EPPK1: variants seen among roughly 807,000 people sequenced by gnomAD.
EPPK1 encodes the protein epiplakin.
For missense variants in EPPK1, 3,823 were observed against 3,673.3 expected (o/e 1.04, Z -1.05); for synonymous variants, 1,862 against 1,721.2 (o/e 1.08, Z -2.03).
chr8:143,866,981 G>A lies in EPPK1; in HGVS notation c.6273C>T (p.Asp2091=), dbSNP rs1322534862. ...TCGTCTCGTCATCGATGTGCTCGGA[G>A]TCCCGTGCAGCCTTGTTCACTGGGA... is the stretch of plus-strand genomic sequence containing the variant. ...LLFPVNKAAR[D]SEHIDDETRR... The change falls in exon 2 of 2, where the codon GAC becomes GAT. Residue 2091 remains aspartate (D), a synonymous_variant. Transcript: ENST00000615648. The A allele has an allele frequency of 6.2e-7, 1 of 1,612,798 alleles. No homozygotes were observed. Among genetic ancestry groups the A allele is most frequent in the Non-Finnish European group, 8.5e-7 (1 of 1,179,882 alleles).
In EPPK1 at chr8:143,866,725, T is replaced by C. The variant is rs558239266; in HGVS notation, c.6529A>G (p.Ile2177Val). Reference sequence around the variant, plus strand: ...TCAGAAGCTGTGATCTGTCGTCTAATTCCTTGGAACCACAGGTGTTTGTTG... The same window carrying C: ...TCAGAAGCTGTGATCTGTCGTCTAACTCCTTGGAACCACAGGTGTTTGTTG... ...TSNKHLWFQG[I>V]RRQITASELL... Residue 2177 changes from isoleucine (I) to valine (V), a missense_variant, in exon 2 of 2, where the codon ATT becomes GTT. Transcript: ENST00000615648. 1 of 1,613,342 alleles carries C rather than the reference T, an allele frequency of 6.2e-7. No homozygotes were observed. The highest frequency in any genetic ancestry group is 1.3e-5 in the African/African-American group (1 of 74,942).
In EPPK1 at chr8:143,868,267, G is replaced by C. The variant is rs1554659844; in HGVS notation, c.4987C>G (p.Leu1663Val). 6.2e-7 allele frequency: 1 copy of C among 1,613,118 alleles called. No homozygotes were observed. The highest frequency in any genetic ancestry group is 1.3e-5 in the African/African-American group (1 of 74,952). ...AGGTCCTTCTGCATGGCCTGGAAGA[G>C]GGAGATCTGCTGCCCGGTATAGGGG... ...TDPYTGQQIS[L>V]FQAMQKDLIV... The change falls in exon 2 of 2, where the codon CTC (leucine) becomes GTC (valine). Residue 1663 changes from leucine to valine, a missense_variant. Physicochemically the swap from Leu to Val is conservative, Grantham distance 32. Transcript: ENST00000615648.
In EPPK1 at chr8:143,870,478, G is replaced by A. The variant is rs1819305707; in HGVS notation, c.2776C>T (p.Leu926=). 2 of 1,604,524 alleles carry A rather than the reference G, an allele frequency of 1.2e-6. No homozygotes were observed. The highest frequency in any genetic ancestry group is 2.2e-5 in the East Asian group (1 of 44,788). Residue 926 remains leucine (L), a synonymous_variant, in exon 2 of 2, where the codon CTG becomes TTG. Transcript: ENST00000615648. This position sits in a 1 kb window ranked among gnomAD's most constrained non-coding sequence, Gnocchi z 5.2. ...LLLMDGVRRY[L]CGLGAVGGVR... ...CCGCCCACAGCTCCCAGGCCGCACA[G>A]GTACCTGCGGACGCCGTCCATGAGT...
Position 143,870,494 on chromosome 8 carries a change from G to A in EPPK1, c.2760C>T (p.Asp920=), listed in dbSNP as rs558832291. ...TISPEALLLM[D]GVRRYLCGLG... is the part of the protein sequence containing the mutation. The stretch of plus-strand genomic sequence containing the variant: ...GGCCGCACAGGTACCTGCGGACGCC[G>A]TCCATGAGTAGGAGGGCCTCCGGGC... The change falls in exon 2 of 2, where the codon GAC becomes GAT. Residue 920 remains aspartate, a synonymous_variant. Transcript: ENST00000615648. This position sits in a 1 kb window ranked among gnomAD's most constrained non-coding sequence, Gnocchi z 5.2. The A allele has an allele frequency of 1.9e-5, 31 of 1,606,276 alleles. No homozygotes were observed. Among genetic ancestry groups the A allele is most frequent in the Admixed American group, 3.3e-5 (2 of 59,802 alleles).
At position 143,869,994 on chromosome 8, in the gene EPPK1, G is replaced by C. The variant is rs782169960; in HGVS notation, c.3260C>G (p.Pro1087Arg). ...ATAGCTCGTGCGCCCCTGGCCGTCC[G>C]GTGTGGGGAAGGTTTCGGAGGAGCT... ...LSSSSETFPT[P>R]DGQGRTSYAQ... Residue 1087 changes from proline to arginine, a missense_variant, in exon 2 of 2, where the codon CCG becomes CGG. Physicochemically the swap from Pro to Arg is moderately radical, Grantham distance 103. Transcript: ENST00000615648. The C allele has an allele frequency of 1.9e-6, 3 of 1,608,768 alleles. No homozygotes were observed. The African/African-American group carries it at 4.0e-5, about 21-fold the overall frequency.
rs539563144 is a variant in EPPK1 at position 143,875,957 on chromosome 8, C to A, written c.-46+2481G>T. Among the ~76,000 whole-genome samples, 11 of 152,294 alleles carry A rather than the reference C, an allele frequency of 7.2e-5. No individual in the cohort carries two copies. In the East Asian group the frequency reaches 1.7e-3, roughly 24 times the overall value. ...GCACAGTGGCCCCCACCCCCCACCC[C>A]CCACTGACCTATGATGGAGCTTGGG... On this transcript the variant is annotated intron_variant, in intron 1 of 1. Coordinates refer to ENST00000615648, the MANE Select transcript of EPPK1 (RefSeq NM_031308.4).
At position 143,866,733 on chromosome 8, in the gene EPPK1, A is replaced by T; in HGVS notation, c.6521T>A (p.Phe2174Tyr). ...TGTGATCTGTCGTCTAATTCCTTGG[A>T]ACCACAGGTGTTTGTTGCTGGTTTC... is the stretch of plus-strand genomic sequence containing the variant. ...KQETSNKHLWFQGIRRQITAS... is the reference protein window; with the variant it reads ...KQETSNKHLWYQGIRRQITAS... Residue 2174 changes from phenylalanine to tyrosine, a missense_variant, in exon 2 of 2, where the codon TTC becomes TAC. By Grantham distance (22) the Phe-to-Tyr change is conservative. Coordinates refer to ENST00000615648, the MANE Select transcript of EPPK1 (RefSeq NM_031308.4). 6.2e-7 allele frequency: 1 copy of T among 1,613,280 alleles called. No homozygotes were observed. Among genetic ancestry groups the T allele is most frequent in the Non-Finnish European group, 8.5e-7 (1 of 1,179,838 alleles).
Position 143,870,194 on chromosome 8 carries a change from C to A in EPPK1, c.3060G>T (p.Val1020=). Residue 1020 remains valine, a synonymous_variant, in exon 2 of 2, where the codon GTG becomes GTT. Transcript: ENST00000615648. The surrounding 1 kb of genome is among the most constrained non-coding windows in gnomAD (Gnocchi z 5.2). ...GFRDPFSGKQ[V]SVFQAMKKGL... is the part of the protein sequence containing the mutation. Reference sequence around the variant, plus strand: ...CTTTCTTCATGGCCTGGAACACAGACACCTGCTTCCCAGAGAAGGGGTCTC... The same window carrying A: ...CTTTCTTCATGGCCTGGAACACAGAAACCTGCTTCCCAGAGAAGGGGTCTC... 1.2e-6 allele frequency: 2 copies of A among 1,611,208 alleles called. No homozygotes were observed. Among genetic ancestry groups the A allele is most frequent in the Non-Finnish European group, 1.7e-6 (2 of 1,179,256 alleles).
At chr8:143,876,065 C>T (rs750728243) in intron 1 of EPPK1, among the ~76,000 whole-genome samples, 4 of 152,194 alleles carry the variant, frequency 2.6e-5, no homozygotes, top group Non-Finnish European at 5.9e-5. Context: ...GGGGACACAG[C>T]TAGTGTCACC....
rs782473994 is a variant in EPPK1, at chr8:143,866,767, C to T, written c.6487G>A (p.Glu2163Lys). 1.1e-4 allele frequency: 184 copies of T among 1,613,522 alleles called. 2 individuals carry two copies. The highest frequency in any genetic ancestry group is 5.3e-4 in the South Asian group (48 of 91,082). Residue 2163 changes from glutamate to lysine, a missense_variant, in exon 2 of 2, where the codon GAG becomes AAG. Transcript: ENST00000615648. ...TGTTTGTTGCTGGTTTCCTGCTTCTCGATCAACTCTAAGATGAGCTGCGCT... is the reference window on the plus strand; with the variant it reads ...TGTTTGTTGCTGGTTTCCTGCTTCTTGATCAACTCTAAGATGAGCTGCGCT... ...TVAQLILELI[E>K]KQETSNKHLW...
At chr8:143,874,741 C>T (rs1417678884) in intron 1 of EPPK1, among the ~76,000 whole-genome samples, 2 of 152,052 alleles carry the variant, frequency 1.3e-5, no homozygotes, top group South Asian at 2.1e-4. Context: ...CTCAGCACTA[C>T]GGGCCCCAGT....
In EPPK1 at chr8:143,872,683, G is replaced by T. The variant is rs1554661671; in HGVS notation, c.571C>A (p.Leu191Ile). 6.2e-7 allele frequency: 1 copy of T among 1,605,450 alleles called. No homozygotes were observed. Among genetic ancestry groups the T allele is most frequent in the East Asian group, 2.2e-5 (1 of 44,806 alleles). ...CGCAGGTCACCTGTGCCAGGCTCAA[G>T]CTCTGACAGCTTGTGCCATGTCTCC... ...DRETWHKLSE[L>I]EPGTGDLRFL... is the part of the protein sequence containing the mutation. Residue 191 changes from leucine (L) to isoleucine (I), a missense_variant, in exon 2 of 2, where the codon CTT (leucine) becomes ATT (isoleucine). Physicochemically the swap from Leu to Ile is conservative, Grantham distance 5. Coordinates refer to ENST00000615648, the MANE Select transcript of EPPK1 (RefSeq NM_031308.4).
At position 143,867,724 on chromosome 8, in the gene EPPK1, C is replaced by G; in HGVS notation, c.5530G>C (p.Gly1844Arg). The G allele has an allele frequency of 6.2e-7, 1 of 1,613,760 alleles. No individual in the cohort carries two copies. ...TIEETETQNQ[G>R]IKVAAIRGEV... ...CCTCTGATGGCCGCCACTTTGATGC[C>G]TTGGTTTTGCGTCTCTGTTTCTTCA... is the stretch of plus-strand genomic sequence containing the variant. The change falls in exon 2 of 2, where the codon GGC (glycine) becomes CGC (arginine). Residue 1844 changes from glycine to arginine, a missense_variant. Gly to Arg is a moderately radical substitution (Grantham distance 125). Coordinates refer to ENST00000615648, the MANE Select transcript of EPPK1 (RefSeq NM_031308.4).
intron 1 of EPPK1, among the ~76,000 whole-genome samples, chr8:143,877,010 G>A (rs1301268835): frequency 6.6e-6 from 1 of 152,278 alleles, no homozygotes; most frequent in Non-Finnish European, 1.5e-5. Context: ...AGTGGCTCAA[G>A]TTCCCCAAAC....
In EPPK1 at chr8:143,872,084, C is replaced by T. The variant is rs11136330; in HGVS notation, c.1170G>A (p.Leu390=). The T allele has an allele frequency of 0.65, 1,019,146 of 1,561,264 alleles. 337,645 individuals are homozygous for T. The highest frequency in any genetic ancestry group is 0.68 in the Non-Finnish European group (783,658 of 1,153,096). Reference sequence around the variant, plus strand: ...GCTGGGCATCCAAGAGCCGCAGTGCCAGTGGCCTGTCCACTAGCCCCTTCT... The same window carrying T: ...GCTGGGCATCCAAGAGCCGCAGTGCTAGTGGCCTGTCCACTAGCCCCTTCT... ...AMKKGLVDRP[L]ALRLLDAQLA... Residue 390 remains leucine, a synonymous_variant, in exon 2 of 2, where the codon CTG becomes CTA. Coordinates refer to ENST00000615648, the MANE Select transcript of EPPK1 (RefSeq NM_031308.4).
chr8:143,872,247 C>T lies in EPPK1; in HGVS notation c.1007G>A (p.Arg336Gln), dbSNP rs572077139. The change falls in exon 2 of 2, where the codon CGG (arginine) becomes CAG (glutamine). Residue 336 changes from arginine to glutamine, a missense_variant. Coordinates refer to ENST00000615648, the MANE Select transcript of EPPK1 (RefSeq NM_031308.4). Reference protein sequence around the residue: ...HTLVDPITGQRLWVDEAVRAG... With the variant: ...HTLVDPITGQQLWVDEAVRAG... ...CCTGACTGCCTCGTCTACCCACAGCCGCTGGCCTGTGATGGGGTCCACCAG... is the reference window on the plus strand; with the variant it reads ...CCTGACTGCCTCGTCTACCCACAGCTGCTGGCCTGTGATGGGGTCCACCAG... The T allele has an allele frequency of 2.7e-5, 43 of 1,609,822 alleles. No individual in the cohort carries two copies. Among genetic ancestry groups the T allele is most frequent in the South Asian group, 2.0e-4 (18 of 90,676 alleles).
At position 143,857,948 on chromosome 8, in the gene EPPK1, T is replaced by G. The variant is rs1818932248; in HGVS notation, c.*39A>C. On this transcript the variant is annotated 3_prime_UTR_variant, in exon 2 of 2. Coordinates refer to ENST00000615648, the MANE Select transcript of EPPK1 (RefSeq NM_031308.4). ...CCCAGACACACAAGTATGCCTCCAC[T>G]TCTCCAGAGTTGCAGAAAACTGCAC... 8.8e-7 allele frequency: 1 copy of G among 1,132,368 alleles called. No individual in the cohort carries two copies. 70.1% of individuals were successfully genotyped at this position (1,132,368 alleles called of 1,614,324 possible).
Position 143,857,685 on chromosome 8 carries a change from A to T in EPPK1, c.*302T>A. On this transcript the variant is annotated 3_prime_UTR_variant, in exon 2 of 2. Coordinates refer to ENST00000615648, the MANE Select transcript of EPPK1 (RefSeq NM_031308.4). Reference sequence around the variant, plus strand: ...AGTCTAAAGAGTGACATTCTGTAAAATGGAAGCAGTGAATCCAAAACAGAC... The same window carrying T: ...AGTCTAAAGAGTGACATTCTGTAAATTGGAAGCAGTGAATCCAAAACAGAC... The T allele has an allele frequency of 2.7e-6, 1 of 365,072 alleles. No individual in the cohort carries two copies. The allele number at this position is 365,072 out of a possible 1,614,324, so 22.6% of individuals were successfully genotyped here.
rs2130615600 is a variant in EPPK1 at position 143,865,932 on chromosome 8, G to A, written c.7322C>T (p.Thr2441Met). The A allele has an allele frequency of 5.2e-5, 2 of 38,716 alleles. No homozygotes were observed. Among genetic ancestry groups the A allele is most frequent in the Admixed American group, 3.1e-4 (1 of 3,210 alleles). The allele number at this position is 38,716 out of a possible 1,614,324, so 2.4% of individuals were successfully genotyped here. Residue 2441 changes from threonine to methionine, a missense_variant, in exon 2 of 2, where the codon ACG (threonine) becomes ATG (methionine). Physicochemically the swap from Thr to Met is moderately conservative, Grantham distance 81. Coordinates refer to ENST00000615648, the MANE Select transcript of EPPK1 (RefSeq NM_031308.4). ...LRCALRDARVTPGSGALQGQS... is the reference protein window; with the variant it reads ...LRCALRDARVMPGSGALQGQS... Reference sequence around the variant, plus strand: ...GCCCTGGAGGGCGCCCGAGCCTGGCGTCACGCGGGCGTCGCGCAGGGCACA... The same window carrying A: ...GCCCTGGAGGGCGCCCGAGCCTGGCATCACGCGGGCGTCGCGCAGGGCACA...
Sources: allele counts gnomAD v4.1 joint callset (sites outside exome capture counted in the v4.1 genomes callset), GRCh38; gene constraint gnomAD v4.1.1; non-coding constraint Gnocchi (gnomAD v3.1); transcripts MANE v1.5; gene names NCBI Gene and HGNC (gene_info 2026-07-23, HGNC 2026-07-21).